The following LOC128462377 variants were observed in gnomAD, a reference collection of about 807,000 sequenced individuals.
the LOC128462377 span, among the ~76,000 whole-genome samples, chr16:89,353,348 A>G: frequency 6.7e-5 from 10 of 149,964 alleles, no homozygotes; most frequent in African/African-American, 2.3e-4. Context: ...ACTCCAAAAA[A>G]AAAGAGAGAG....
the LOC128462377 span, among the ~76,000 whole-genome samples, chr16:89,329,995 A>AAAAATAAAATAAAAT: frequency 0.016 from 2,275 of 146,288 alleles, 50 homozygotes; most frequent in African/African-American, 0.046. Flanking sequence ...ACCTTGTCTC[A>AAAAATAAAATAAAAT]AAAATAAAAT....
At chr16:89,417,180 G>A in the LOC128462377 span, among the ~76,000 whole-genome samples, 7 of 152,164 alleles carry the variant, frequency 4.6e-5, no homozygotes, top group African/African-American at 1.7e-4. Context: ...ATTTTAAAGT[G>A]GCCTGACTCC....
chr16:89,366,524 A>T, the LOC128462377 span, among the ~76,000 whole-genome samples: 2 of 152,284 alleles, frequency 1.3e-5, no homozygotes, highest in South Asian at 4.2e-4. Flanking sequence ...AGCCATGCTG[A>T]CTGGTGTGAG....
chr16:89,356,169 C>T, the LOC128462377 span, among the ~76,000 whole-genome samples: 3 of 152,320 alleles, frequency 2.0e-5, no homozygotes, highest in South Asian at 2.1e-4. Context: ...TTAATTCTCA[C>T]GTTTCTGATC....
At chr16:89,389,760 G>A in the LOC128462377 span, among the ~76,000 whole-genome samples, 7 of 149,564 alleles carry the variant, frequency 4.7e-5, no homozygotes, top group South Asian at 2.2e-4. Context: ...GGGGAGCACC[G>A]AGAGAGAAGA....
the LOC128462377 span, among the ~76,000 whole-genome samples, chr16:89,351,979 T>A: frequency 6.6e-6 from 1 of 152,198 alleles, no homozygotes; most frequent in Non-Finnish European, 1.5e-5. Context: ...GGTGCGATCG[T>A]GGCTCACTGC....
At chr16:89,353,352 G>A in the LOC128462377 span, among the ~76,000 whole-genome samples, 38 of 144,784 alleles carry the variant, frequency 2.6e-4, no homozygotes, top group Non-Finnish European at 3.2e-4. Flanking sequence ...CAAAAAAAAA[G>A]AGAGAGAGAG....
At chr16:89,347,829 G>C in the LOC128462377 span, among the ~76,000 whole-genome samples, 1 of 152,152 alleles carries the variant, frequency 6.6e-6, no homozygotes, top group Non-Finnish European at 1.5e-5. Flanking sequence ...TCACCAGTAA[G>C]AATGGTGTCA....
the LOC128462377 span, among the ~76,000 whole-genome samples, chr16:89,361,914 CG>C: frequency 1.3e-5 from 2 of 152,184 alleles, no homozygotes; most frequent in African/African-American, 4.8e-5. Context: ...AAAGGTCAGA[CG>C]GGGCAGCAAT....
At chr16:89,376,303 C>A in the LOC128462377 span, among the ~76,000 whole-genome samples, 1 of 151,978 alleles carries the variant, frequency 6.6e-6, no homozygotes, top group Non-Finnish European at 1.5e-5. Context: ...GATGGTTTGA[C>A]AGTTTTAGAA....
At chr16:89,337,831 CAGCAA>C in the LOC128462377 span, among the ~76,000 whole-genome samples, 1 of 152,176 alleles carries the variant, frequency 6.6e-6, no homozygotes, top group Non-Finnish European at 1.5e-5. Context: ...AGGCTGGAGT[CAGCAA>C]TGCCTGTTCC....
chr16:89,395,340 C>A, the LOC128462377 span, among the ~76,000 whole-genome samples: 230 of 152,336 alleles, frequency 1.5e-3, no homozygotes, highest in African/African-American at 5.4e-3. Context: ...GTGGAAGGAA[C>A]CCTGACGGCA....
the LOC128462377 span, among the ~76,000 whole-genome samples, chr16:89,320,841 A>T: frequency 6.6e-6 from 1 of 152,228 alleles, no homozygotes; most frequent in Non-Finnish European, 1.5e-5. Context: ...GCCTCTCCAC[A>T]CTGCGAGAGC....
the LOC128462377 span, chr16:89,361,374 G>C: frequency 2.0e-5 from 3 of 152,736 alleles, no homozygotes; most frequent in African/African-American, 7.2e-5. Context: ...CACTTCTCTG[G>C]GGGCCAGCAC....
At chr16:89,405,962 T>G in the LOC128462377 span, among the ~76,000 whole-genome samples, 1 of 151,880 alleles carries the variant, frequency 6.6e-6, no homozygotes, top group Non-Finnish European at 1.5e-5. Context: ...AGACAAAAAC[T>G]TACCGGGCGT....
chr16:89,416,766 CAA>C, the LOC128462377 span, among the ~76,000 whole-genome samples: 34 of 105,916 alleles, frequency 3.2e-4, no homozygotes, highest in East Asian at 1.3e-3. Flanking sequence ...TCTGTTTCTA[CAA>C]AAAAAAAAAA....
the LOC128462377 span, among the ~76,000 whole-genome samples, chr16:89,338,122 CG>C: frequency 3.2e-4 from 48 of 152,202 alleles, no homozygotes; most frequent in Admixed American, 2.0e-4. Context: ...GGACGCCGCC[CG>C]TCAGGCTCCC....
At chr16:89,321,715 A>G in the LOC128462377 span, among the ~76,000 whole-genome samples, 42 of 151,986 alleles carry the variant, frequency 2.8e-4, no homozygotes, top group East Asian at 7.0e-3. Flanking sequence ...AAAAAAAAAG[A>G]CTTCTTTGGG....
chr16:89,415,396 C>G, the LOC128462377 span, among the ~76,000 whole-genome samples: 1 of 150,256 alleles, frequency 6.7e-6, no homozygotes, highest in Non-Finnish European at 1.5e-5. Flanking sequence ...TCCCGAGTAG[C>G]TGGGACTACA....
Sources: gnomAD v4.1 joint callset for allele counts (sites outside exome capture counted in the v4.1 genomes callset) on GRCh38, gnomAD v4.1.1 for gene constraint, MANE v1.5 for transcripts.